GOLM2: variants seen among roughly 807,000 people sequenced by gnomAD.
The protein encoded by GOLM2 is protein GOLM2.
In GOLM2, 26 loss-of-function variants were observed where a neutral mutation model predicts 55.9. The ratio of observed to expected loss-of-function variants is 0.47; its 90% CI spans 0.34 to 0.65. The LOEUF (loss-of-function observed/expected upper bound fraction) is 0.65, where lower values mean the gene tolerates loss of function less well. Ranked by LOEUF, GOLM2 falls within the 30% of genes least tolerant of loss-of-function variation. The probability of loss-of-function intolerance (pLI) is 0.01; values close to 1 mark genes in which losing one functional copy is unlikely to be tolerated. For synonymous variants in GOLM2, 165 were observed against 194.6 expected (o/e 0.85, Z 1.27); for missense variants, 486 against 531.8 (o/e 0.91, Z 0.85).
At chr15:44,372,610 T>C (rs923956446) in intron 6 of GOLM2, among the ~76,000 whole-genome samples, 3 of 152,220 alleles carry the variant, frequency 2.0e-5, no homozygotes, top group Non-Finnish European at 4.4e-5. Context: ...ATGAGCTTTT[T>C]GTTTCCTCAC....
intron 8 of GOLM2, among the ~76,000 whole-genome samples, chr15:44,401,580 TA>T (rs1223877439): frequency 1.3e-5 from 2 of 152,202 alleles, no homozygotes; most frequent in Non-Finnish European, 2.9e-5. Context: ...AATATATTTT[TA>T]AAAATTTAGA....
At chr15:44,339,651 T>C (rs938911367) in intron 6 of GOLM2, among the ~76,000 whole-genome samples, 56 of 152,138 alleles carry the variant, frequency 3.7e-4, no homozygotes, top group African/African-American at 1.3e-3. Flanking sequence ...TTTTAAAATT[T>C]TGAGACAGGG....
chr15:44,404,447 G>A (rs1172438432), intron 9 of GOLM2, among the ~76,000 whole-genome samples: 1 of 151,774 alleles, frequency 6.6e-6, no homozygotes, highest in Admixed American at 6.6e-5. Context: ...AGTTATATAA[G>A]GTTATATTTA....
chr15:44,388,001 C>T (rs574603629), intron 8 of GOLM2, among the ~76,000 whole-genome samples: 1 of 148,434 alleles, frequency 6.7e-6, no homozygotes, highest in Admixed American at 6.8e-5. Flanking sequence ...CGGAGTCTTG[C>T]TCTGTTGGCC....
intron 1 of GOLM2, among the ~76,000 whole-genome samples, chr15:44,299,712 A>T (rs977819666): frequency 2.0e-5 from 3 of 151,982 alleles, no homozygotes; most frequent in Admixed American, 2.0e-4. Context: ...AATGAAGAGG[A>T]TTCATGAAGT....
intron 6 of GOLM2, among the ~76,000 whole-genome samples, chr15:44,353,621 T>G (rs2079178761): frequency 6.6e-6 from 1 of 152,160 alleles, no homozygotes; most frequent in Admixed American, 6.6e-5. Flanking sequence ...ATCCTGTCAT[T>G]TGTAACAACA....
At chr15:44,396,700 A>G (rs1020282994) in intron 8 of GOLM2, among the ~76,000 whole-genome samples, 3 of 152,340 alleles carry the variant, frequency 2.0e-5, no homozygotes, top group East Asian at 1.9e-4. Flanking sequence ...GATGTGGAGC[A>G]TATGAAGTTA....
intron 6 of GOLM2, among the ~76,000 whole-genome samples, chr15:44,367,171 T>C (rs2079291331): frequency 6.6e-6 from 1 of 151,902 alleles, no homozygotes; most frequent in Non-Finnish European, 1.5e-5. Flanking sequence ...AACAGCAGAA[T>C]TGAGTAAGGC....
chr15:44,352,415 C>T (rs1471861029), intron 6 of GOLM2, among the ~76,000 whole-genome samples: 1 of 152,078 alleles, frequency 6.6e-6, no homozygotes, highest in Admixed American at 6.6e-5. Flanking sequence ...ATACAAAAGC[C>T]ATATCAAAAT....
intron 1 of GOLM2, among the ~76,000 whole-genome samples, chr15:44,311,012 A>G (rs28508235): frequency 0.1 from 15,880 of 152,134 alleles, 1,802 homozygotes; most frequent in African/African-American, 0.27. Flanking sequence ...GTGAGACTTC[A>G]TTTCAAACAA....
intron 6 of GOLM2, among the ~76,000 whole-genome samples, chr15:44,376,236 AAAAACAAAAC>A (rs368836037): frequency 1.9e-4 from 29 of 152,294 alleles, no homozygotes; most frequent in African/African-American, 7.0e-4. Flanking sequence ...CTCCGTCTCA[AAAAACAAAAC>A]AAAACAAAAC....
chr15:44,312,498 A>C (rs1305223951), intron 1 of GOLM2, among the ~76,000 whole-genome samples: 2 of 152,182 alleles, frequency 1.3e-5, no homozygotes, highest in Non-Finnish European at 2.9e-5. Flanking sequence ...CTTTGTTAAA[A>C]TAAAAGAAGG....
At chr15:44,313,469 T>C (rs1373693710) in intron 1 of GOLM2, among the ~76,000 whole-genome samples, 3 of 152,210 alleles carry the variant, frequency 2.0e-5, no homozygotes, top group African/African-American at 7.2e-5. Context: ...TTAAATGTTA[T>C]AGTTCATAGT....
chr15:44,340,164 G>T (rs1296481385), intron 6 of GOLM2, among the ~76,000 whole-genome samples: 1 of 152,096 alleles, frequency 6.6e-6, no homozygotes, highest in Non-Finnish European at 1.5e-5. Context: ...TCACCATGTT[G>T]CCCAGGCTGA....
chr15:44,397,108 C>T (rs756983919), intron 8 of GOLM2, among the ~76,000 whole-genome samples: 24 of 152,132 alleles, frequency 1.6e-4, no homozygotes, highest in African/African-American at 2.7e-4. Flanking sequence ...AGTTTTGTTA[C>T]GGAGCAGCAG....
At chr15:44,379,364 C>T (rs769324202) in intron 6 of GOLM2, among the ~76,000 whole-genome samples, 1 of 152,120 alleles carries the variant, frequency 6.6e-6, no homozygotes, top group East Asian at 1.9e-4. Context: ...ATAATCCTAG[C>T]TATTACGGAG....
intron 6 of GOLM2, among the ~76,000 whole-genome samples, chr15:44,362,258 C>T (rs1441196622): frequency 2.0e-5 from 3 of 152,064 alleles, no homozygotes; most frequent in Admixed American, 2.0e-4. Flanking sequence ...CAAATTGTCC[C>T]TGTTTGCAGA....
intron 1 of GOLM2, among the ~76,000 whole-genome samples, chr15:44,293,991 A>G (rs763024446): frequency 6.6e-6 from 1 of 152,172 alleles, no homozygotes; most frequent in Non-Finnish European, 1.5e-5. Flanking sequence ...TTTATTTTGT[A>G]CTTTGGCTTA....
intron 6 of GOLM2, among the ~76,000 whole-genome samples, chr15:44,361,250 T>C (rs561458608): frequency 6.6e-6 from 1 of 152,176 alleles, no homozygotes; most frequent in East Asian, 1.9e-4. Flanking sequence ...CTTCAAAAAA[T>C]TAATGAATCG....
Sources: gnomAD v4.1 joint callset for allele counts (sites outside exome capture counted in the v4.1 genomes callset) on GRCh38, gnomAD v4.1.1 for gene constraint, MANE v1.5 for transcripts, NCBI Gene and HGNC (gene_info 2026-07-23, HGNC 2026-07-21) for gene names.